Variants in ZFAND3 observed in about 807,000 individuals in gnomAD.
ZFAND3 encodes AN1-type zinc finger protein 3.
Under a neutral mutation model 29.6 loss-of-function variants are expected in ZFAND3, and 10 were observed. That is an observed-to-expected ratio of 0.34 (90% CI 0.21 to 0.57). The LOEUF is 0.57. ZFAND3 is among the 20% of genes least tolerant of loss of function. The pLI is 0.86. For synonymous variants in ZFAND3, 128 were observed against 112.6 expected, an observed-to-expected ratio of 1.14 and a Z score of -0.87; for missense variants, 230 against 304.5, an observed-to-expected ratio of 0.76 and a Z score of 1.82.
chr6:37,895,969 A>C (rs903291871), intron 1 of ZFAND3, among the ~76,000 whole-genome samples: 1 of 152,128 alleles, frequency 6.6e-6, no homozygotes, highest in Admixed American at 6.5e-5. Flanking sequence ...ACTGATGGGA[A>C]CACGCACTAT....
chr6:38,068,205 C>G (rs1276220729), intron 3 of ZFAND3, among the ~76,000 whole-genome samples: 1 of 152,170 alleles, frequency 6.6e-6, no homozygotes, highest in Non-Finnish European at 1.5e-5. Context: ...AGGCCAAATC[C>G]AGCCTATCAT....
At chr6:37,832,172 T>C (rs1242145215) in intron 1 of ZFAND3, among the ~76,000 whole-genome samples, 1 of 151,968 alleles carries the variant, frequency 6.6e-6, no homozygotes, top group Non-Finnish European at 1.5e-5. Context: ...AAAGTAACCC[T>C]GGGAGAAGGC....
At chr6:38,082,951 G>T (rs1458130064) in intron 4 of ZFAND3, among the ~76,000 whole-genome samples, 1 of 152,142 alleles carries the variant, frequency 6.6e-6, no homozygotes, top group Non-Finnish European at 1.5e-5. Context: ...TTGTGCATCT[G>T]TGACATTTTT....
intron 2 of ZFAND3, among the ~76,000 whole-genome samples, chr6:37,959,603 A>G (rs982673177): frequency 6.6e-6 from 1 of 152,236 alleles, no homozygotes; most frequent in Non-Finnish European, 1.5e-5. Flanking sequence ...ATTGTCAAAT[A>G]TGTAAATATT....
At chr6:38,003,265 T>C (rs1762982181) in intron 2 of ZFAND3, 1 of 153,500 alleles carries the variant, frequency 6.5e-6, no homozygotes, top group Non-Finnish European at 1.5e-5. Flanking sequence ...TGAACTAAAT[T>C]GATCTCATAA....
chr6:37,920,477 G>A (rs1018010392), intron 1 of ZFAND3, among the ~76,000 whole-genome samples: 1 of 151,980 alleles, frequency 6.6e-6, no homozygotes, highest in African/African-American at 2.4e-5. Flanking sequence ...GATGATAATG[G>A]GACTAGTTTT....
At chr6:37,944,581 C>CTAT (rs1176420028) in intron 2 of ZFAND3, among the ~76,000 whole-genome samples, 9 of 152,232 alleles carry the variant, frequency 5.9e-5, no homozygotes, top group African/African-American at 2.2e-4. Context: ...GGCAAAACTA[C>CTAT]TAAATCGGTT....
intron 5 of ZFAND3, among the ~76,000 whole-genome samples, chr6:38,145,370 T>C (rs1384806920): frequency 6.6e-6 from 1 of 152,226 alleles, no homozygotes; most frequent in East Asian, 1.9e-4. Flanking sequence ...TGTATATAAG[T>C]GAGTGAGATG....
intron 1 of ZFAND3, among the ~76,000 whole-genome samples, chr6:37,825,875 A>G (rs1477932861): frequency 2.6e-5 from 4 of 152,224 alleles, no homozygotes; most frequent in South Asian, 4.1e-4. Context: ...AGAACAGAAT[A>G]CTTAGAGGGT....
intron 2 of ZFAND3, among the ~76,000 whole-genome samples, chr6:37,977,495 G>GTTTCAC (rs1561953637): frequency 6.6e-6 from 1 of 151,986 alleles, no homozygotes; most frequent in Non-Finnish European, 1.5e-5. Context: ...AGAGACGGGG[G>GTTTCAC]TTTCACCATG....
intron 4 of ZFAND3, among the ~76,000 whole-genome samples, chr6:38,110,303 A>G (rs1562003117): frequency 1.3e-5 from 2 of 152,152 alleles, no homozygotes; most frequent in Admixed American, 6.6e-5. Context: ...ATGAGGTGGG[A>G]ATTTTTTTTT....
At chr6:37,979,194 G>A (rs555221262) in intron 2 of ZFAND3, among the ~76,000 whole-genome samples, 4 of 152,058 alleles carry the variant, frequency 2.6e-5, no homozygotes, top group African/African-American at 7.2e-5. Context: ...TTTTCACCTC[G>A]TTACTGCTTC....
chr6:38,016,264 C>A (rs1169482505), intron 2 of ZFAND3, among the ~76,000 whole-genome samples: 1 of 152,186 alleles, frequency 6.6e-6, no homozygotes, highest in East Asian at 1.9e-4. Flanking sequence ...AAAAAGTATG[C>A]TTCAAGTAAT....
At chr6:37,948,151 G>T (rs1012078638) in intron 2 of ZFAND3, among the ~76,000 whole-genome samples, 6 of 152,146 alleles carry the variant, frequency 3.9e-5, no homozygotes, top group Non-Finnish European at 5.9e-5. Flanking sequence ...CATGTCTGTT[G>T]ATTTTTTGCT....
At position 38,082,410 on chromosome 6, in the gene ZFAND3, C is replaced by T. The variant is rs1764680953; in HGVS notation, c.314C>T (p.Thr105Ile). The T allele has an allele frequency of 1.2e-6, 2 of 1,612,094 alleles. No homozygotes were observed. The highest frequency in any genetic ancestry group is 1.7e-6 in the Non-Finnish European group (2 of 1,178,964). The change falls in exon 4 of 6, where the codon ACA (threonine) becomes ATA (isoleucine). Residue 105 changes from threonine to isoleucine, a missense_variant. This residue lies in a region of ZFAND3 where 180 missense variants were observed against 202.5 expected (regional missense o/e 0.89). Transcript: ENST00000287218. The stretch of plus-strand genomic sequence containing the variant: ...TTTCTAGGTGGGCCATGCACAGACA[C>T]AGCTCATGTCTCATTAATCACACCA... ...SKEECGPCTD[T>I]AHVSLITPTK...
intron 2 of ZFAND3, among the ~76,000 whole-genome samples, chr6:38,006,662 T>G (rs1271563094): frequency 6.6e-6 from 1 of 150,708 alleles, no homozygotes; most frequent in South Asian, 2.1e-4. Flanking sequence ...AGGGTTTTTT[T>G]TTTTTTTTTT....
In ZFAND3 at chr6:38,030,051, GATATATATATATATATATAT is replaced by G. The variant is rs58560520; in HGVS notation, c.113-31510_113-31491del. 9.1e-3 allele frequency among the ~76,000 whole-genome samples: 865 copies of G among 94,966 alleles called. 19 individuals are homozygous for G. Among genetic ancestry groups the G allele is most frequent in the African/African-American group, 0.031 (642 of 20,578 alleles). 62.3% of individuals were successfully genotyped at this position (94,966 alleles called of 152,430 possible). A position where few individuals can be genotyped will look rare whatever the true frequency, so the allele number is the denominator to read the frequency against. On this transcript the variant is annotated intron_variant, in intron 2 of 5. Transcript: ENST00000287218. Reference sequence around the variant, plus strand: ...CATTTCTTGTTATGTAGTTCTGCTGGATATATATATATATATATATATATATATATATATATATATATATA... The same window carrying G: ...CATTTCTTGTTATGTAGTTCTGCTGGATATATATATATATATATATATATA...
chr6:38,013,603 T>C (rs1261469487), intron 2 of ZFAND3, among the ~76,000 whole-genome samples: 1 of 152,238 alleles, frequency 6.6e-6, no homozygotes, highest in African/African-American at 2.4e-5. Context: ...ATTTGACTTA[T>C]TTTAATCAGT....
At chr6:38,001,956 T>C (rs1256172697) in intron 2 of ZFAND3, among the ~76,000 whole-genome samples, 1 of 152,274 alleles carries the variant, frequency 6.6e-6, no homozygotes, top group East Asian at 1.9e-4. Context: ...GAATACAGAG[T>C]TTAGCATCCT....
Sources: allele counts gnomAD v4.1 joint callset (sites outside exome capture counted in the v4.1 genomes callset), GRCh38; gene constraint gnomAD v4.1.1; regional missense constraint gnomAD v4.1.1; transcripts MANE v1.5; gene names NCBI Gene and HGNC (gene_info 2026-07-23, HGNC 2026-07-21).